The following KRT8 variants were observed in gnomAD, a reference collection of about 807,000 sequenced individuals.
KRT8 encodes keratin 8.
Under a neutral mutation model 43.0 loss-of-function variants are expected in KRT8, and 24 were observed. That is an observed-to-expected ratio of 0.56 (90% CI 0.40 to 0.78). The LOEUF (loss-of-function observed/expected upper bound fraction) is 0.78. Among genes scored for constraint, KRT8 ranks in the 30% least tolerant of loss-of-function variants. KRT8 has a pLI of 0.00. For missense variants in KRT8, 492 were observed against 638.4 expected, an observed-to-expected ratio of 0.77 and a Z score of 2.47; for synonymous variants, 214 against 261.2, an observed-to-expected ratio of 0.82 and a Z score of 1.74.
intron 2 of KRT8, among the ~76,000 whole-genome samples, chr12:52,913,649 C>G (rs1473448907): frequency 6.6e-6 from 1 of 151,866 alleles, no homozygotes; most frequent in Non-Finnish European, 1.5e-5. Context: ...CACACTCTCT[C>G]AGGTTCACAC....
chr12:52,933,814 G>A (rs368049270), intron 2 of KRT8, among the ~76,000 whole-genome samples: 5 of 151,632 alleles, frequency 3.3e-5, no homozygotes, highest in South Asian at 4.2e-4. Context: ...TAGTAGAGAC[G>A]GGGTTTCACC....
At chr12:52,905,002 C>T in exon 1 of KRT8, 1 of 1,597,116 alleles carries the variant, frequency 6.3e-7, no homozygotes, top group South Asian at 1.1e-5. Flanking sequence ...GGAGTGGAGG[C>T]AGGCGGGCCG....
At chr12:52,927,807 G>A (rs985205427) in intron 2 of KRT8, among the ~76,000 whole-genome samples, 2 of 152,192 alleles carry the variant, frequency 1.3e-5, no homozygotes, top group Non-Finnish European at 2.9e-5. Context: ...AGCCAGGCGC[G>A]ATGGCTCACT....
At chr12:52,918,085 G>GGAA (rs1941787603) in intron 2 of KRT8, among the ~76,000 whole-genome samples, 1 of 135,236 alleles carries the variant, frequency 7.4e-6, no homozygotes, top group East Asian at 2.2e-4. Flanking sequence ...AGGAGGAGGA[G>GGAA]GAGAAGAAGA....
At chr12:52,917,667 C>A (rs1291196627) in intron 2 of KRT8, among the ~76,000 whole-genome samples, 2 of 148,742 alleles carry the variant, frequency 1.3e-5, no homozygotes, top group Non-Finnish European at 3.0e-5. Flanking sequence ...CAAGATTGTG[C>A]CATTGCACTC....
At chr12:52,907,623 C>A (rs1424218500), upstream of KRT8, among the ~76,000 whole-genome samples, 1 of 152,198 alleles carries the variant, frequency 6.6e-6, no homozygotes, top group African/African-American at 2.4e-5. Context: ...GAGGGCTGAC[C>A]CAGACCTTAC....
chr12:52,915,322 C>T (rs1284289591), intron 2 of KRT8, among the ~76,000 whole-genome samples: 2 of 149,836 alleles, frequency 1.3e-5, no homozygotes, highest in East Asian at 2.0e-4. Context: ...TGCAGTGAGC[C>T]GAGATCTCGC....
chr12:52,940,212 TA>T (rs1942242962), intron 2 of KRT8, among the ~76,000 whole-genome samples: 1 of 151,926 alleles, frequency 6.6e-6, no homozygotes, highest in African/African-American at 2.4e-5. Context: ...GTGGATGGAT[TA>T]CCAAGCTCAG....
At chr12:52,901,198 C>T (rs1050779143) in exon 3 of KRT8, 7 of 1,611,792 alleles carry the variant, frequency 4.3e-6, no homozygotes, top group South Asian at 1.1e-5. Context: ...TCTCTGTACG[C>T]TTATTGATCT....
chr12:52,939,038 C>G (rs1278415615), intron 2 of KRT8, among the ~76,000 whole-genome samples: 1 of 151,862 alleles, frequency 6.6e-6, no homozygotes, highest in Non-Finnish European at 1.5e-5. Context: ...TAAGCTATGA[C>G]AGAACCACTA....
intron 2 of KRT8, among the ~76,000 whole-genome samples, chr12:52,918,215 A>AAGAAGAAGAAGAAGG (rs1941810431): frequency 1.5e-5 from 2 of 134,284 alleles, no homozygotes; most frequent in Non-Finnish European, 3.4e-5. Context: ...CAAGAAGAAG[A>AAGAAGAAGAAGAAGG]AGAAGAAGAA....
chr12:52,937,687 CAAA>C (rs1200365036), intron 2 of KRT8, among the ~76,000 whole-genome samples: 3 of 90,126 alleles, frequency 3.3e-5, no homozygotes, highest in African/African-American at 4.2e-5. Context: ...AACTCTGTCT[CAAA>C]AAAAAAAAAA....
In KRT8 at chr12:52,898,122, G is replaced by A. The variant is rs141805179; in HGVS notation, c.1261+339C>T. 7.0e-3 allele frequency among the ~76,000 whole-genome samples: 1,071 copies of A among 152,244 alleles called. 8 individuals are homozygous for A. Among genetic ancestry groups the A allele is most frequent in the African/African-American group, 0.023 (973 of 41,534 alleles). ...GGAGGTTACAGTGAGCTGAGATCAC[G>A]CCACTGCACTCCAGCTTGGGTGACA... On this transcript the variant is annotated intron_variant, in intron 7 of 7. Coordinates refer to ENST00000692008, the Ensembl canonical transcript of KRT8.
chr12:52,932,905 G>A (rs1329773369), intron 2 of KRT8, among the ~76,000 whole-genome samples: 1 of 152,106 alleles, frequency 6.6e-6, no homozygotes, highest in Non-Finnish European at 1.5e-5. Flanking sequence ...TAAATGATAA[G>A]TGATCAATAC....
chr12:52,943,566 A>C (rs913767839), intron 2 of KRT8, among the ~76,000 whole-genome samples: 4 of 151,996 alleles, frequency 2.6e-5, no homozygotes, highest in African/African-American at 9.7e-5. Flanking sequence ...CACCTCACCC[A>C]CAACTGGGTT....
intron 7 of KRT8, 47 bp from the exon 8 acceptor site, chr12:52,897,665 T>C (rs767118717): frequency 4.2e-5 from 67 of 1,597,222 alleles, no homozygotes; most frequent in Non-Finnish European, 3.4e-5. Context: ...GCCCACCCCA[T>C]GGCAGGCTCC....
chr12:52,926,440 C>T, intron 2 of KRT8: 9 of 1,535,326 alleles, frequency 5.9e-6, no homozygotes, highest in Non-Finnish European at 7.0e-6. Flanking sequence ...CTCCAGCTCA[C>T]CCCATTCATT....
intron 2 of KRT8, among the ~76,000 whole-genome samples, chr12:52,913,754 T>C (rs1941680027): frequency 2.6e-5 from 4 of 152,228 alleles, no homozygotes; most frequent in Admixed American, 2.6e-4. Context: ...CATGTGCGTG[T>C]ACCACCCGTC....
intron 2 of KRT8, among the ~76,000 whole-genome samples, chr12:52,942,123 C>T (rs1479657415): frequency 1.3e-5 from 2 of 152,084 alleles, no homozygotes; most frequent in African/African-American, 2.4e-5. Flanking sequence ...TCCCAGGTCA[C>T]TATTGGTGGA....
Sources: allele counts gnomAD v4.1 joint callset (sites outside exome capture counted in the v4.1 genomes callset), GRCh38; gene constraint gnomAD v4.1.1; transcripts MANE v1.5; gene names NCBI Gene and HGNC (gene_info 2026-07-23, HGNC 2026-07-21).